EPC2: variants seen among roughly 807,000 people sequenced by gnomAD.
The protein encoded by EPC2 is enhancer of polycomb homolog 2.
In EPC2, 14 loss-of-function variants were observed where a neutral mutation model predicts 92.1. The ratio of observed to expected loss-of-function variants is 0.15; its 90% CI spans 0.10 to 0.24. EPC2 has a LOEUF of 0.24. Ranked by LOEUF, EPC2 falls within the 10% of genes least tolerant of loss-of-function variation. The pLI, the probability that EPC2 is intolerant of heterozygous loss-of-function variation, is 1.00. For missense variants in EPC2, 755 were observed against 971.5 expected, an observed-to-expected ratio of 0.78 and a Z score of 2.96; for synonymous variants, 340 against 334.7, an observed-to-expected ratio of 1.02 and a Z score of -0.17.
In EPC2 at chr2:148,644,956, T is replaced by TC. The variant is rs992664543; in HGVS notation, c.-55dup. On this transcript the variant is annotated 5_prime_UTR_variant, in exon 1 of 14. Coordinates refer to ENST00000258484, the MANE Select transcript of EPC2 (RefSeq NM_015630.4). ...GAGGTGGAGGAGGCGGCGGGAGTCC[T>TC]CCCCCCCTCCCCGCCCGCCCCGCCG... The TC allele has an allele frequency of 3.7e-5, 52 of 1,392,182 alleles. No homozygotes were observed. The highest frequency in any genetic ancestry group is 3.0e-4 in the East Asian group (12 of 39,414). The allele number at this position is 1,392,182 out of a possible 1,614,324, so 86.2% of individuals were successfully genotyped here. A position where few individuals can be genotyped will look rare whatever the true frequency, so the allele number is the denominator to read the frequency against.
At chr2:148,763,892 T>C (rs967237147) in intron 6 of EPC2, among the ~76,000 whole-genome samples, 1 of 152,334 alleles carries the variant, frequency 6.6e-6, no homozygotes, top group African/African-American at 2.4e-5. Context: ...GAATCAGCCT[T>C]TATTATATAT....
At chr2:148,762,046 C>T (rs1401732869) in intron 5 of EPC2, 116 bp downstream of exon 5, 2 of 780,722 alleles carry the variant, frequency 2.6e-6, no homozygotes, top group Non-Finnish European at 3.8e-6. Context: ...GATATTGATT[C>T]TGTAAGAATT....
intron 1 of EPC2, among the ~76,000 whole-genome samples, chr2:148,675,063 T>C (rs1031608965): frequency 1.1e-4 from 16 of 152,236 alleles, no homozygotes; most frequent in African/African-American, 3.4e-4. Context: ...CTTACCACCT[T>C]CTGTCTTACT....
At chr2:148,755,540 A>ATAGTGTACTTT in intron 4 of EPC2, among the ~76,000 whole-genome samples, 1 of 152,166 alleles carries the variant, frequency 6.6e-6, no homozygotes, top group South Asian at 2.1e-4. Context: ...TAAAATTATA[A>ATAGTGTACTTT]TACTGTACTT....
At chr2:148,700,705 T>A (rs1054069438) in intron 2 of EPC2, among the ~76,000 whole-genome samples, 15 of 150,974 alleles carry the variant, frequency 9.9e-5, no homozygotes, top group African/African-American at 3.4e-4. Flanking sequence ...TTTTTTTTTT[T>A]AGCACCAGTT....
Position 148,786,447 on chromosome 2 carries a change from C to A in EPC2, c.*70C>A. The A allele has an allele frequency of 1.6e-6, 2 of 1,252,310 alleles. No homozygotes were observed. The highest frequency in any genetic ancestry group is 2.3e-6 in the Non-Finnish European group (2 of 871,040). 77.6% of individuals were successfully genotyped at this position (1,252,310 alleles called of 1,614,324 possible). ...TCATATTCCAGCTGAATGCAAAAGG[C>A]AACACTCTGTGGATCACAGAGTGTA... On this transcript the variant is annotated 3_prime_UTR_variant, in exon 14 of 14. Transcript: ENST00000258484.
At chr2:148,763,133 A>G (rs376730326) in intron 6 of EPC2, among the ~76,000 whole-genome samples, 2 of 152,166 alleles carry the variant, frequency 1.3e-5, no homozygotes, top group Admixed American at 1.3e-4. Flanking sequence ...ATTAAAGTCT[A>G]GTTATTATCA....
chr2:148,764,888 A>C, intron 6 of EPC2, 67 bp from the exon 7 acceptor site: 1 of 1,194,886 alleles, frequency 8.4e-7, no homozygotes, highest in Non-Finnish European at 1.1e-6. Flanking sequence ...AGAGCAGTAT[A>C]GTTTTTCATG....
chr2:148,727,371 A>T (rs1417237089), intron 2 of EPC2, among the ~76,000 whole-genome samples: 1 of 152,184 alleles, frequency 6.6e-6, no homozygotes, highest in Non-Finnish European at 1.5e-5. Flanking sequence ...ACTGTTTCAA[A>T]TATTTCTGAT....
At chr2:148,709,896 A>G (rs1010268413) in intron 2 of EPC2, among the ~76,000 whole-genome samples, 1 of 152,256 alleles carries the variant, frequency 6.6e-6, no homozygotes, top group Admixed American at 6.5e-5. Context: ...TAAAAACCCT[A>G]GAAGAAAACC....
chr2:148,721,822 C>T (rs1682380614), intron 2 of EPC2, among the ~76,000 whole-genome samples: 1 of 146,646 alleles, frequency 6.8e-6, no homozygotes, highest in Non-Finnish European at 1.5e-5. Context: ...TACTAGTGAG[C>T]CCTTCAGATG....
At position 148,644,850 on chromosome 2, in the gene EPC2, T is replaced by C. The variant is rs1683759525; in HGVS notation, c.-168T>C. On this transcript the variant is annotated 5_prime_UTR_variant, in exon 1 of 14. Coordinates refer to ENST00000258484, the MANE Select transcript of EPC2 (RefSeq NM_015630.4). ...CGGCCGCGGGCGCGGGGGGCTGTTT[T>C]CGGGCGGGGTGGGCGCCCATGCTGT... 2.1e-5 allele frequency: 12 copies of C among 565,226 alleles called. No homozygotes were observed. In the South Asian group the frequency reaches 2.6e-4, roughly 12 times the overall value. The allele number at this position is 565,226 out of a possible 1,614,324, so 35.0% of individuals were successfully genotyped here. A position where few individuals can be genotyped will look rare whatever the true frequency, so the allele number is the denominator to read the frequency against.
At chr2:148,704,064 C>A (rs576704819) in intron 2 of EPC2, among the ~76,000 whole-genome samples, 2 of 152,208 alleles carry the variant, frequency 1.3e-5, no homozygotes, top group Admixed American at 1.3e-4. Context: ...TATACTCAGA[C>A]AAATGAAGGT....
intron 2 of EPC2, among the ~76,000 whole-genome samples, chr2:148,700,175 C>G (rs1411004355): frequency 6.6e-6 from 1 of 152,040 alleles, no homozygotes; most frequent in African/African-American, 2.4e-5. Flanking sequence ...TGTGCCTTGT[C>G]TTTTCATTCA....
At chr2:148,761,483 T>C (rs1683300178) in intron 4 of EPC2, among the ~76,000 whole-genome samples, 1 of 152,230 alleles carries the variant, frequency 6.6e-6, no homozygotes, top group Non-Finnish European at 1.5e-5. Flanking sequence ...CATTTTCTGA[T>C]AACAGATTTT....
intron 2 of EPC2, among the ~76,000 whole-genome samples, chr2:148,697,361 C>G (rs4538135): frequency 6.6e-6 from 1 of 150,998 alleles, no homozygotes; most frequent in Non-Finnish European, 1.5e-5. Flanking sequence ...AGGTTGCTTG[C>G]TGATAGAAAA....
At chr2:148,712,116 G>A (rs921680888) in intron 2 of EPC2, among the ~76,000 whole-genome samples, 7 of 151,994 alleles carry the variant, frequency 4.6e-5, no homozygotes, top group African/African-American at 1.7e-4. Context: ...TTAATGTTTT[G>A]TATTTGATTC....
chr2:148,777,058 CCATG>C (rs1468416617), intron 10 of EPC2, among the ~76,000 whole-genome samples: 1 of 151,840 alleles, frequency 6.6e-6, no homozygotes, highest in Non-Finnish European at 1.5e-5. Context: ...CGGGGTTTCA[CCATG>C]TTGCCCAGGC....
intron 2 of EPC2, among the ~76,000 whole-genome samples, chr2:148,742,819 A>G (rs959879850): frequency 6.7e-6 from 1 of 149,392 alleles, no homozygotes; most frequent in African/African-American, 2.4e-5. Flanking sequence ...ATTGATATTT[A>G]TTCTCTACTA....
Sources: allele counts gnomAD v4.1 joint callset (sites outside exome capture counted in the v4.1 genomes callset), GRCh38; gene constraint gnomAD v4.1.1; transcripts MANE v1.5; gene names NCBI Gene and HGNC (gene_info 2026-07-23, HGNC 2026-07-21).